Variants in PRR5L observed in about 807,000 individuals in gnomAD.
PRR5L encodes the protein proline-rich protein 5-like.
A neutral mutation model predicts 36.4 loss-of-function variants in PRR5L; 21 were observed. The ratio of observed to expected loss-of-function variants is 0.58; its 90% CI spans 0.41 to 0.83. PRR5L has a LOEUF of 0.83. Among genes scored for constraint, PRR5L ranks in the 40% least tolerant of loss-of-function variants. The pLI is 0.00. For synonymous variants in PRR5L, 188 were observed against 197.0 expected (o/e 0.95, Z 0.38); for missense variants, 381 against 473.3 (o/e 0.80, Z 1.81).
intron 5 of PRR5L, 62 bp downstream of exon 5, chr11:36,431,972 G>A (rs1397950438): frequency 4.9e-6 from 7 of 1,422,324 alleles, no homozygotes; most frequent in Admixed American, 1.7e-5. Flanking sequence ...ATGTCTGGAC[G>A]GCTGAGATGC....
At chr11:36,339,065 T>G (rs1856794971) in intron 1 of PRR5L, among the ~76,000 whole-genome samples, 1 of 152,206 alleles carries the variant, frequency 6.6e-6, no homozygotes, top group African/African-American at 2.4e-5. Context: ...ATCATGATTG[T>G]GAGACCTTCC....
rs1856972480 is a variant in PRR5L, at chr11:36,351,682, T to TATATATATATATAC, written c.-125-49315_-125-49314insATATATATATATAC. 4.5e-4 allele frequency among the ~76,000 whole-genome samples: 2 copies of TATATATATATATAC among 4,454 alleles called. 1 individual carries two copies. The highest frequency in any genetic ancestry group is 2.5e-3 in the African/African-American group (2 of 800). 2.9% of individuals were successfully genotyped at this position (4,454 alleles called of 152,430 possible). ...AAATATATATTTATATACTTATATA[T>TATATATATATATAC]TTATATATTTATATATTTATATATT... On this transcript the variant is annotated intron_variant, in intron 1 of 8. Transcript: ENST00000530639.
At chr11:36,394,905 G>C (rs149466331) in intron 1 of PRR5L, among the ~76,000 whole-genome samples, 188 of 152,324 alleles carry the variant, frequency 1.2e-3, no homozygotes, top group African/African-American at 4.2e-3. Context: ...GAATGGCAAA[G>C]TGACCACTGA....
At chr11:36,350,970 T>TTATA (rs1199441562) in intron 1 of PRR5L, among the ~76,000 whole-genome samples, 1 of 48,472 alleles carries the variant, frequency 2.1e-5, no homozygotes, top group Non-Finnish European at 3.9e-5. Context: ...ATTTATATAT[T>TTATA]TATATATATT....
intron 1 of PRR5L, chr11:36,321,331 C>T (rs1856611846): frequency 6.6e-6 from 1 of 152,254 alleles, no homozygotes; most frequent in South Asian, 2.1e-4. Flanking sequence ...GACCCAGGGC[C>T]TGCCTGCTTC....
At chr11:36,376,258 G>T (rs1288740142) in intron 1 of PRR5L, 4 of 1,231,664 alleles carry the variant, frequency 3.2e-6, no homozygotes, top group Non-Finnish European at 4.3e-6. Context: ...GGACATTGGA[G>T]AGACACTAAA....
chr11:36,347,364 G>A (rs1247143116), intron 1 of PRR5L, among the ~76,000 whole-genome samples: 4 of 152,302 alleles, frequency 2.6e-5, no homozygotes, highest in African/African-American at 9.6e-5. Flanking sequence ...CAAGCTTCAA[G>A]AAACCATCAG....
intron 1 of PRR5L, among the ~76,000 whole-genome samples, chr11:36,397,071 T>C (rs999004371): frequency 1.0e-4 from 15 of 146,572 alleles, no homozygotes; most frequent in South Asian, 2.1e-4. Flanking sequence ...TCTTTTCTTT[T>C]TTTTTTTTTT....
intron 1 of PRR5L, among the ~76,000 whole-genome samples, chr11:36,367,740 TTCTCTCTCTCTCTC>T (rs55635913): frequency 1.6e-4 from 24 of 150,448 alleles, no homozygotes; most frequent in African/African-American, 4.6e-4. Flanking sequence ...ACCAGAGAAC[TTCTCTCTCTCTCTC>T]TCTCTCTCTC....
chr11:36,320,769 C>T (rs776673117), intron 1 of PRR5L, among the ~76,000 whole-genome samples: 38 of 152,156 alleles, frequency 2.5e-4, no homozygotes, highest in Non-Finnish European at 5.1e-4. Flanking sequence ...CAACATTAAA[C>T]AAATTATTTA....
chr11:36,418,353 G>A lies in PRR5L; in HGVS notation c.246-902G>A, dbSNP rs61564692. On this transcript the variant is annotated intron_variant, in intron 3 of 8. Transcript: ENST00000530639. ...AGTTGAATTTTAAGTTAGGGTGAGG[G>A]GAGGGGGTTCTGGATTTGGAGGAGA... is the stretch of plus-strand genomic sequence containing the variant. 6.3e-3 allele frequency among the ~76,000 whole-genome samples: 955 copies of A among 152,256 alleles called. 9 individuals are homozygous for A. Among genetic ancestry groups the A allele is most frequent in the African/African-American group, 0.022 (919 of 41,548 alleles).
At chr11:36,381,558 C>T (rs1227216923) in intron 1 of PRR5L, 1 of 144,078 alleles carries the variant, frequency 6.9e-6, no homozygotes, top group East Asian at 2.1e-4. Context: ...ACCTCAGCCA[C>T]ATAAATCCTT....
chr11:36,377,872 C>T lies in PRR5L; in HGVS notation c.-125-23125C>T, dbSNP rs965494442. 6.6e-6 allele frequency: 1 copy of T among 152,274 alleles called. No homozygotes were observed. Among genetic ancestry groups the T allele is most frequent in the Non-Finnish European group, 1.5e-5 (1 of 68,088 alleles). The allele number at this position is 152,274 out of a possible 1,614,324, so 9.4% of individuals were successfully genotyped here. The stretch of plus-strand genomic sequence containing the variant: ...CGTGGAAAAAGCTCTGGGCTGGAAT[C>T]TCCGGGCTTCCCTGCTTGGGCAGAA... On this transcript the variant is annotated intron_variant, in intron 1 of 8. Transcript: ENST00000530639. This position sits in a 1 kb window ranked among gnomAD's most constrained non-coding sequence, Gnocchi z 5.1.
intron 4 of PRR5L, among the ~76,000 whole-genome samples, chr11:36,426,283 T>G (rs1034969078): frequency 6.6e-6 from 1 of 152,266 alleles, no homozygotes; most frequent in African/African-American, 2.4e-5. Context: ...TTAGAACACT[T>G]ACTAATCTAA....
chr11:36,299,747 C>G (rs563635149), intron 1 of PRR5L, among the ~76,000 whole-genome samples: 3 of 152,116 alleles, frequency 2.0e-5, no homozygotes, highest in Non-Finnish European at 4.4e-5. Flanking sequence ...AGTAGAGATT[C>G]AAGCTTTAAC....
intron 1 of PRR5L, among the ~76,000 whole-genome samples, chr11:36,359,148 G>T (rs747209134): frequency 1.3e-5 from 2 of 152,278 alleles, no homozygotes; most frequent in Non-Finnish European, 2.9e-5. Context: ...ACTTCATGTC[G>T]CTGAGCCTCA....
intron 3 of PRR5L, among the ~76,000 whole-genome samples, chr11:36,418,945 C>A (rs1463115549): frequency 2.6e-5 from 4 of 152,166 alleles, no homozygotes; most frequent in Non-Finnish European, 5.9e-5. Flanking sequence ...TCTCTTCCTT[C>A]TTTTTGCTTC....
At chr11:36,312,870 T>A (rs150329190) in intron 1 of PRR5L, among the ~76,000 whole-genome samples, 1 of 152,374 alleles carries the variant, frequency 6.6e-6, no homozygotes, top group Non-Finnish European at 1.5e-5. Context: ...GAACCAAGTC[T>A]ATGGTTTCTC....
intron 1 of PRR5L, among the ~76,000 whole-genome samples, chr11:36,356,823 C>A (rs1183027566): frequency 6.6e-6 from 1 of 152,076 alleles, no homozygotes; most frequent in Non-Finnish European, 1.5e-5. Context: ...CTTGGTATTT[C>A]CTGAGACACA....
Sources: gnomAD v4.1 joint callset for allele counts (sites outside exome capture counted in the v4.1 genomes callset) on GRCh38, gnomAD v4.1.1 for gene constraint, Gnocchi (gnomAD v3.1) non-coding constraint, MANE v1.5 for transcripts, NCBI Gene and HGNC (gene_info 2026-07-23, HGNC 2026-07-21) for gene names.